PAXIP1: variants seen among roughly 807,000 people sequenced by gnomAD.
The protein encoded by PAXIP1 is PAX interacting protein 1.
Under a neutral mutation model 140.6 loss-of-function variants are expected in PAXIP1, and 19 were observed. The ratio of observed to expected loss-of-function variants is 0.14; its 90% confidence interval spans 0.09 to 0.20. The LOEUF is 0.20. Ranked by LOEUF, PAXIP1 falls within the 10% of genes least tolerant of loss-of-function variation. PAXIP1 has a pLI of 1.00. For synonymous variants in PAXIP1, 442 were observed against 444.6 expected (o/e 0.99, Z 0.07); for missense variants, 920 against 1,208.6 (o/e 0.76, Z 3.54).
At chr7:154,953,960 T>C (rs1002959930) in intron 16 of PAXIP1, among the ~76,000 whole-genome samples, 2 of 152,158 alleles carry the variant, frequency 1.3e-5, no homozygotes, top group Non-Finnish European at 2.9e-5. Flanking sequence ...TTGAAAAATC[T>C]CATTTTACAG....
chr7:154,946,867 G>T lies in PAXIP1; in HGVS notation c.2923-54C>A. The T allele has an allele frequency of 7.4e-7, 1 of 1,348,984 alleles. No individual in the cohort carries two copies. Among genetic ancestry groups the T allele is most frequent in the South Asian group, 1.3e-5 (1 of 75,358 alleles). The allele number at this position is 1,348,984 out of a possible 1,614,324, so 83.6% of individuals were successfully genotyped here. On this transcript the variant is annotated intron_variant, in intron 17 of 20. Transcript: ENST00000404141. This position sits in a 1 kb window ranked among gnomAD's most constrained non-coding sequence, Gnocchi z 4.9. ...TGTTCTTAAAATGCTTTAATTTTTA[G>T]AGTACATAATTCTCATAGATTCTGC... is the stretch of plus-strand genomic sequence containing the variant.
chr7:154,969,129 A>G lies in PAXIP1; in HGVS notation c.1075-3T>C. The G allele has an allele frequency of 1.4e-6, 2 of 1,457,686 alleles. No individual in the cohort carries two copies. The highest frequency in any genetic ancestry group is 9.1e-7 in the Non-Finnish European group (1 of 1,102,358). 90.3% of individuals were successfully genotyped at this position (1,457,686 alleles called of 1,614,324 possible). ...GGTGCTGAAAGAGTCTGTAAGATCT[A>G]CAAAACAAAAGTTAGGTGAAACATT... On this transcript the variant is annotated splice_region_variant and splice_polypyrimidine_tract_variant and intron_variant, in intron 6 of 20. Coordinates refer to ENST00000404141, the MANE Select transcript of PAXIP1 (RefSeq NM_007349.4).
intron 8 of PAXIP1, chr7:154,964,979 T>C (rs1047181526): frequency 1.3e-5 from 2 of 152,250 alleles, no homozygotes; most frequent in Non-Finnish European, 2.9e-5. Flanking sequence ...TTCTATAATA[T>C]GTCTGCAAAT....
intron 1 of PAXIP1, among the ~76,000 whole-genome samples, chr7:154,999,109 C>A (rs552955243): frequency 6.6e-6 from 1 of 152,174 alleles, no homozygotes; most frequent in African/African-American, 2.4e-5. Context: ...GGTGGGGCCA[C>A]GCACATGGTG....
At chr7:154,960,310 T>C (rs1421206920) in intron 12 of PAXIP1, among the ~76,000 whole-genome samples, 1 of 152,172 alleles carries the variant, frequency 6.6e-6, no homozygotes, top group African/African-American at 2.4e-5. Context: ...CAAACCTTCT[T>C]GCCTTATCAC....
At chr7:154,960,815 G>T in intron 12 of PAXIP1, 78 bp downstream of exon 12, 1 of 1,036,610 alleles carries the variant, frequency 9.6e-7, no homozygotes, top group Non-Finnish European at 1.4e-6. Context: ...CTGGTAATTA[G>T]TATGAATAAA....
At chr7:154,953,232 C>G (rs1376456356) in intron 16 of PAXIP1, among the ~76,000 whole-genome samples, 1 of 152,156 alleles carries the variant, frequency 6.6e-6, no homozygotes, top group African/African-American at 2.4e-5. Flanking sequence ...CCTTTGGCAG[C>G]TGTATCTTTC....
chr7:154,948,836 A>G (rs752613600), intron 16 of PAXIP1: 1 of 151,930 alleles, frequency 6.6e-6, no homozygotes, highest in Non-Finnish European at 1.5e-5. Flanking sequence ...TTTGGCTCAT[A>G]ATCAATTATG....
chr7:154,982,332 G>C (rs925508369), intron 5 of PAXIP1, among the ~76,000 whole-genome samples: 1 of 152,128 alleles, frequency 6.6e-6, no homozygotes, highest in African/African-American at 2.4e-5. Flanking sequence ...TTAGGTCTGG[G>C]AAGAGGCTGG....
At chr7:154,958,729 G>A (rs1808636739) in intron 13 of PAXIP1, among the ~76,000 whole-genome samples, 1 of 152,120 alleles carries the variant, frequency 6.6e-6, no homozygotes, top group Non-Finnish European at 1.5e-5. Flanking sequence ...TTTAATTACT[G>A]ATACAAAGCC....
rs2150745887 is a variant in PAXIP1, at chr7:154,956,378, AGAG to A, written c.2550-750_2550-748del. 1 of 152,316 alleles carries A rather than the reference AGAG, an allele frequency of 6.6e-6. No homozygotes were observed. The highest frequency in any genetic ancestry group is 1.5e-5 in the Non-Finnish European group (1 of 68,024). 9.4% of individuals were successfully genotyped at this position (152,316 alleles called of 1,614,324 possible). On this transcript the variant is annotated intron_variant, in intron 14 of 20. Coordinates refer to ENST00000404141, the MANE Select transcript of PAXIP1 (RefSeq NM_007349.4). The surrounding 1 kb of genome is among the most constrained non-coding windows in gnomAD (Gnocchi z 4.2). ...GGAAGTGGGGAATGGAAGGAGGGAA[AGAG>A]GAGGAGCAGGGAGAGAAAAGATGAG...
intron 4 of PAXIP1, 49 bp from the exon 5 acceptor site, chr7:154,983,381 C>A: frequency 8.2e-6 from 7 of 856,160 alleles, no homozygotes; most frequent in Middle Eastern, 2.2e-4. Flanking sequence ...TCAATCTGTG[C>A]ATGGCTATAT....
chr7:154,971,472 G>A (rs569354663), intron 6 of PAXIP1, among the ~76,000 whole-genome samples: 1 of 152,308 alleles, frequency 6.6e-6, no homozygotes, highest in South Asian at 2.1e-4. Flanking sequence ...GGATGGAGAG[G>A]AGAAATCTGC....
At chr7:154,989,976 C>G (rs1810249265) in intron 4 of PAXIP1, among the ~76,000 whole-genome samples, 2 of 150,936 alleles carry the variant, frequency 1.3e-5, no homozygotes. Context: ...TAATGCTTAT[C>G]AATAAATGTA....
At chr7:154,999,907 G>A (rs756384139) in intron 1 of PAXIP1, among the ~76,000 whole-genome samples, 1 of 152,160 alleles carries the variant, frequency 6.6e-6, no homozygotes, top group Non-Finnish European at 1.5e-5. Context: ...ATACTTCAGG[G>A]ACAGGTAGGG....
intron 16 of PAXIP1, among the ~76,000 whole-genome samples, chr7:154,953,873 T>C (rs1212095125): frequency 6.6e-6 from 1 of 152,202 alleles, no homozygotes; most frequent in African/African-American, 2.4e-5. Flanking sequence ...TAAACTGATA[T>C]TCAAAGTGTA....
At chr7:154,991,855 G>T (rs977062178) in intron 3 of PAXIP1, among the ~76,000 whole-genome samples, 1 of 152,144 alleles carries the variant, frequency 6.6e-6, no homozygotes, top group African/African-American at 2.4e-5. Context: ...TTCCCTATAG[G>T]AGTAAAGTAT....
intron 13 of PAXIP1, among the ~76,000 whole-genome samples, chr7:154,958,064 A>G (rs974299646): frequency 2.0e-5 from 3 of 152,080 alleles, no homozygotes; most frequent in African/African-American, 7.2e-5. Context: ...AATTTCACCT[A>G]TGAGATTTCA....
rs963331995 is a variant in PAXIP1 at position 154,973,478 on chromosome 7, C to T, written c.1074+2218G>A. On this transcript the variant is annotated intron_variant, in intron 6 of 20. Coordinates refer to ENST00000404141, the MANE Select transcript of PAXIP1 (RefSeq NM_007349.4). The surrounding 1 kb of genome is among the most constrained non-coding windows in gnomAD (Gnocchi z 4.0). ...GAAAATCTTCTATTCTCCTCAAACC[C>T]GATGACCTTCTCTCTCTGCTCACCT... Among the ~76,000 whole-genome samples the T allele has an allele frequency of 3.3e-5, 5 of 152,126 alleles. No individual in the cohort carries two copies. The highest frequency in any genetic ancestry group is 7.2e-5 in the African/African-American group (3 of 41,418).
Sources: allele counts gnomAD v4.1 joint callset (sites outside exome capture counted in the v4.1 genomes callset), GRCh38; gene constraint gnomAD v4.1.1; non-coding constraint Gnocchi (gnomAD v3.1); transcripts MANE v1.5; gene names NCBI Gene and HGNC (gene_info 2026-07-23, HGNC 2026-07-21).